CASK: variants seen among roughly 807,000 people sequenced by gnomAD.
CASK encodes the protein calcium/calmodulin dependent serine protein kinase.
CASK carries 4 observed loss-of-function variants against 82.9 expected under a neutral mutation model. The ratio of observed to expected loss-of-function variants is 0.05; its 90% CI spans 0.02 to 0.11. The LOEUF is 0.11. CASK is among the 10% of genes least tolerant of loss of function. CASK has a pLI of 1.00. For synonymous variants in CASK, 259 were observed against 253.5 expected, an observed-to-expected ratio of 1.02 and a Z score of -0.20; for missense variants, 358 against 720.9, an observed-to-expected ratio of 0.50 and a Z score of 5.76.
intron 1 of CASK, among the ~76,000 whole-genome samples, chrX:41,856,826 G>T (rs747416672): frequency 1.8e-4 from 20 of 108,160 alleles, no homozygotes; most frequent in African/African-American, 6.8e-4. Context: ...AAACTGTAGG[G>T]TCTCACAACT....
chrX:41,680,531 C>T (rs1302826135), intron 5 of CASK, among the ~76,000 whole-genome samples: 1 of 109,251 alleles, frequency 9.2e-6, no homozygotes, highest in Non-Finnish European at 1.9e-5. Flanking sequence ...TAAATAAATC[C>T]ATGATGTGGG....
chrX:41,566,159 C>T (rs1325104671), intron 16 of CASK, among the ~76,000 whole-genome samples: 1 of 111,836 alleles, frequency 8.9e-6, no homozygotes, highest in Non-Finnish European at 1.9e-5. Flanking sequence ...GAAGCATTCC[C>T]TTTGAAAACT....
chrX:41,813,621 C>A (rs1408751874), intron 2 of CASK, among the ~76,000 whole-genome samples: 1 of 111,600 alleles, frequency 9.0e-6, no homozygotes, highest in Non-Finnish European at 1.9e-5. Context: ...AAATATTAGA[C>A]CTAAAACCAT....
intron 5 of CASK, among the ~76,000 whole-genome samples, chrX:41,686,067 G>A (rs1244987082): frequency 9.0e-6 from 1 of 111,409 alleles, no homozygotes; most frequent in Non-Finnish European, 1.9e-5. Context: ...CACAGGTCTG[G>A]GATGAAGTCA....
At chrX:41,654,428 T>C (rs2066905329) in intron 8 of CASK, among the ~76,000 whole-genome samples, 1 of 111,096 alleles carries the variant, frequency 9.0e-6, no homozygotes, top group African/African-American at 3.3e-5. Flanking sequence ...CCCAGCACTT[T>C]GGGAGGCCGA....
At chrX:41,901,468 CAG>C (rs1414938328) in intron 1 of CASK, among the ~76,000 whole-genome samples, 2 of 102,846 alleles carry the variant, frequency 1.9e-5, no homozygotes, top group African/African-American at 7.2e-5. Flanking sequence ...GCCTGGGCAA[CAG>C]AGTGAGACCC....
intron 16 of CASK, 58 bp from the exon 17 acceptor site, chrX:41,561,702 A>T: frequency 1.2e-6 from 1 of 825,874 alleles, no homozygotes; most frequent in Non-Finnish European, 1.8e-6. Context: ...TAGTAACAAA[A>T]TCCAGAGGCA....
intron 9 of CASK, among the ~76,000 whole-genome samples, chrX:41,630,971 C>T (rs2066456499): frequency 9.0e-6 from 1 of 111,425 alleles, no homozygotes; most frequent in Non-Finnish European, 1.9e-5. Context: ...TCCATATAGC[C>T]AAAACCAGAG....
At chrX:41,564,364 A>C (rs908216258) in intron 16 of CASK, among the ~76,000 whole-genome samples, 1 of 112,042 alleles carries the variant, frequency 8.9e-6, no homozygotes, top group Non-Finnish European at 1.9e-5. Flanking sequence ...CCTTTTTAAA[A>C]AAACATTTTT....
At chrX:41,800,380 TCTATAGTG>T (rs1291027197) in intron 2 of CASK, among the ~76,000 whole-genome samples, 1 of 111,132 alleles carries the variant, frequency 9.0e-6, no homozygotes, top group Non-Finnish European at 1.9e-5. Flanking sequence ...CAGCTCCTAC[TCTATAGTG>T]CAGAGATTCT....
intron 5 of CASK, among the ~76,000 whole-genome samples, chrX:41,686,391 TTTTC>T (rs1174627957): frequency 5.5e-5 from 6 of 109,091 alleles, no homozygotes; most frequent in Admixed American, 9.8e-5. Flanking sequence ...ACACCTGGCC[TTTTC>T]TTTCTTTCTT....
chrX:41,820,342 C>T (rs907719855), intron 2 of CASK, among the ~76,000 whole-genome samples: 9 of 110,580 alleles, frequency 8.1e-5, no homozygotes, highest in African/African-American at 3.0e-4. Context: ...GATCAATATA[C>T]AAGAATCAAC....
intron 6 of CASK, among the ~76,000 whole-genome samples, chrX:41,670,433 G>A (rs969167971): frequency 8.9e-6 from 1 of 112,245 alleles, no homozygotes; most frequent in African/African-American, 3.2e-5. Flanking sequence ...AGGGCACTGT[G>A]GTGAAAAAAT....
chrX:41,678,316 C>A (rs141643912), intron 5 of CASK, among the ~76,000 whole-genome samples: 2 of 109,750 alleles, frequency 1.8e-5, no homozygotes, highest in Non-Finnish European at 3.8e-5. Flanking sequence ...TTTTTTTTTC[C>A]AATGTTCATG....
rs915790864 is a variant in CASK, at chrX:41,519,917, T to G, written c.*503A>C. 1 of 109,973 alleles carries G rather than the reference T, an allele frequency of 9.1e-6. No homozygotes were observed. Among genetic ancestry groups the G allele is most frequent in the Non-Finnish European group, 1.9e-5 (1 of 52,698 alleles). 9.1% of individuals were successfully genotyped at this position (109,973 alleles called of 1,213,427 possible). On this transcript the variant is annotated 3_prime_UTR_variant, in exon 27 of 27. Coordinates refer to ENST00000378163, the MANE Select transcript of CASK (RefSeq NM_001367721.1). ...GAGAGAAAAAAGGCCTTTAAAAATTTATGACTGTTTTGTAATCACTACACT... is the reference window on the plus strand; with the variant it reads ...GAGAGAAAAAAGGCCTTTAAAAATTGATGACTGTTTTGTAATCACTACACT...
chrX:41,913,465 A>C (rs1270070825), intron 1 of CASK, among the ~76,000 whole-genome samples: 3 of 112,463 alleles, frequency 2.7e-5, no homozygotes, highest in African/African-American at 9.7e-5. Flanking sequence ...AGTATATACC[A>C]TTAACCACAT....
In CASK at chrX:41,608,405, T is replaced by C. The variant is rs750189637; in HGVS notation, c.1155+1499A>G. Among the ~76,000 whole-genome samples the C allele has an allele frequency of 4.5e-5, 5 of 111,893 alleles. 1 individual carries two copies. Among genetic ancestry groups the C allele is most frequent in the South Asian group, 7.4e-4 (2 of 2,687 alleles). On this transcript the variant is annotated intron_variant, in intron 12 of 26. Coordinates refer to ENST00000378163, the MANE Select transcript of CASK (RefSeq NM_001367721.1). The stretch of plus-strand genomic sequence containing the variant: ...CCCCCTCCCACCATGGCAACACCCA[T>C]AGCAACCTCCCAGAGCCATGCTCTG...
chrX:41,525,351 C>T lies in CASK; in HGVS notation c.2521-1317G>A, dbSNP rs1048215518. Among the ~76,000 whole-genome samples, 3 of 111,516 alleles carry T rather than the reference C, an allele frequency of 2.7e-5. No individual in the cohort carries two copies. The Admixed American group carries it at 2.9e-4, about 11-fold the overall frequency. The stretch of plus-strand genomic sequence containing the variant: ...TCAGTTCCAGAAAGGGCCAGACTCT[C>T]TCTGGCTTCCTGGCCTTTTGATTTA... On this transcript the variant is annotated intron_variant, in intron 25 of 26. Coordinates refer to ENST00000378163, the MANE Select transcript of CASK (RefSeq NM_001367721.1).
intron 6 of CASK, among the ~76,000 whole-genome samples, 191 bp downstream of exon 6, chrX:41,671,237 A>G (rs2067193600): frequency 8.9e-6 from 1 of 112,123 alleles, no homozygotes; most frequent in South Asian, 3.7e-4. Context: ...TCTATTCTTA[A>G]GGGACTAAGA....
Sources: gnomAD v4.1 joint callset for allele counts (sites outside exome capture counted in the v4.1 genomes callset) on GRCh38, gnomAD v4.1.1 for gene constraint, MANE v1.5 for transcripts, NCBI Gene and HGNC (gene_info 2026-07-23, HGNC 2026-07-21) for gene names.